The following JAK1 variants were observed in gnomAD, a reference collection of about 807,000 sequenced individuals.
JAK1 encodes tyrosine-protein kinase JAK1.
Under a neutral mutation model 136.6 loss-of-function variants are expected in JAK1, and 16 were observed. The ratio of observed to expected loss-of-function variants is 0.12; its 90% CI spans 0.08 to 0.18. The LOEUF (loss-of-function observed/expected upper bound fraction) is 0.18, where lower values mean the gene tolerates loss of function less well. Among genes scored for constraint, JAK1 ranks in the 10% least tolerant of loss-of-function variants. The pLI, the probability that JAK1 is intolerant of heterozygous loss-of-function variation, is 1.00. For missense variants in JAK1, 859 were observed against 1,450.1 expected (o/e 0.59, Z 6.62); for synonymous variants, 492 against 519.5 (o/e 0.95, Z 0.72).
intron 1 of JAK1, among the ~76,000 whole-genome samples, chr1:65,048,438 A>G (rs1647209580): frequency 6.6e-6 from 1 of 152,324 alleles, no homozygotes; most frequent in South Asian, 2.1e-4. Flanking sequence ...AGTATTTCTC[A>G]GGAGGGCACA....
At chr1:64,841,885 T>C (rs958561993) in intron 17 of JAK1, among the ~76,000 whole-genome samples, 4 of 152,248 alleles carry the variant, frequency 2.6e-5, no homozygotes, top group Non-Finnish European at 1.5e-5. Flanking sequence ...GGGCAACATG[T>C]ACAAAAATCT....
At chr1:64,968,910 C>T (rs1292340099), upstream of JAK1, among the ~76,000 whole-genome samples, 5 of 125,448 alleles carry the variant, frequency 4.0e-5, no homozygotes, top group African/African-American at 1.5e-4. Context: ...CCAGCCTGGG[C>T]GACAGAGCGA....
intron 6 of JAK1, among the ~76,000 whole-genome samples, chr1:64,868,369 G>A (rs1376044460): frequency 6.6e-6 from 1 of 152,136 alleles, no homozygotes; most frequent in Non-Finnish European, 1.5e-5. Context: ...AGTGGCTTCA[G>A]AACAGTAGAA....
At chr1:65,064,621 G>A (rs1278615403) in intron 1 of JAK1, among the ~76,000 whole-genome samples, 2 of 152,222 alleles carry the variant, frequency 1.3e-5, no homozygotes, top group Non-Finnish European at 2.9e-5. Context: ...CAAGGTAGAG[G>A]TGGAAAATCC....
intron 1 of JAK1, among the ~76,000 whole-genome samples, chr1:64,943,836 TAA>T (rs35735954): frequency 4.5e-4 from 66 of 146,008 alleles, no homozygotes; most frequent in Non-Finnish European, 3.6e-4. Flanking sequence ...CTTTAATAAA[TAA>T]AAAAAAAAAA....
intron 20 of JAK1, chr1:64,839,349 C>T (rs138014607): frequency 5.2e-6 from 2 of 385,398 alleles, no homozygotes; most frequent in Admixed American, 4.4e-5. Context: ...TTTCATAAGG[C>T]ATAAGTGCAA....
chr1:64,849,512 A>G (rs1196078577), intron 12 of JAK1, among the ~76,000 whole-genome samples: 17 of 151,932 alleles, frequency 1.1e-4, no homozygotes, highest in Admixed American at 1.1e-3. Context: ...CTGGTCTGGG[A>G]CTCTGCTTTG....
At chr1:64,952,796 A>G (rs1646114619) in intron 1 of JAK1, among the ~76,000 whole-genome samples, 1 of 152,240 alleles carries the variant, frequency 6.6e-6, no homozygotes, top group African/African-American at 2.4e-5. Flanking sequence ...TAATAGTGGT[A>G]AACTCCAATA....
intron 2 of JAK1, chr1:65,003,392 T>C (rs1646778720): frequency 6.6e-6 from 1 of 151,984 alleles, no homozygotes; most frequent in Non-Finnish European, 1.5e-5. Context: ...GGTAAAAGTG[T>C]TTCGATTTGT....
intron 2 of JAK1, among the ~76,000 whole-genome samples, chr1:64,883,844 G>A (rs1377831169): frequency 6.6e-6 from 1 of 152,046 alleles, no homozygotes; most frequent in Non-Finnish European, 1.5e-5. Context: ...AATGTTAAAG[G>A]ACTGATTATT....
chr1:64,919,026 T>A (rs1460091117), intron 1 of JAK1, among the ~76,000 whole-genome samples: 1 of 152,124 alleles, frequency 6.6e-6, no homozygotes, highest in Non-Finnish European at 1.5e-5. Flanking sequence ...CCTTTTTTTT[T>A]ATTATTATAC....
intron 1 of JAK1, among the ~76,000 whole-genome samples, chr1:64,922,184 C>CT (rs1645506069): frequency 6.6e-6 from 1 of 151,798 alleles, no homozygotes; most frequent in South Asian, 2.1e-4. Context: ...TACTAAATGC[C>CT]CCCCACCCCC....
chr1:64,958,434 CTG>C, intron 1 of JAK1, among the ~76,000 whole-genome samples: 1 of 152,308 alleles, frequency 6.6e-6, no homozygotes, highest in Non-Finnish European at 1.5e-5. Context: ...ATGGTTTTAA[CTG>C]AACAAAATCA....
intron 1 of JAK1, among the ~76,000 whole-genome samples, chr1:64,956,168 A>G (rs1646184124): frequency 6.6e-6 from 1 of 152,196 alleles, no homozygotes; most frequent in African/African-American, 2.4e-5. Flanking sequence ...CAAAGCTGAA[A>G]ATGTTTACTG....
Position 64,944,682 on chromosome 1 carries a change from T to C in JAK1, c.-78+21651A>G, listed in dbSNP as rs115212738. Among the ~76,000 whole-genome samples, 368 of 152,268 alleles carry C rather than the reference T, an allele frequency of 2.4e-3. 2 individuals carry two copies. Among genetic ancestry groups the C allele is most frequent in the African/African-American group, 8.5e-3 (354 of 41,542 alleles). On this transcript the variant is annotated intron_variant, in intron 1 of 24. Coordinates refer to ENST00000342505, the MANE Select transcript of JAK1 (RefSeq NM_002227.4). ...CTGAAAGATGTTACAATAGTCATGA[T>C]ACACTAGCAAATGGAAAAAAAGGTT...
intron 1 of JAK1, among the ~76,000 whole-genome samples, chr1:64,910,461 G>A (rs1283658340): frequency 6.6e-6 from 1 of 152,210 alleles, no homozygotes; most frequent in Non-Finnish European, 1.5e-5. Flanking sequence ...TTCTCCGGGG[G>A]AAGAGGGAGA....
At chr1:65,001,676 T>TGG (rs1341736605) in intron 2 of JAK1, among the ~76,000 whole-genome samples, 10 of 89,106 alleles carry the variant, frequency 1.1e-4, no homozygotes, top group African/African-American at 4.3e-4. Flanking sequence ...AAAGTGTGTG[T>TGG]GTGGGGGGGG....
Position 64,945,011 on chromosome 1 carries a change from T to G in JAK1, c.-78+21322A>C, listed in dbSNP as rs1645958676. Among the ~76,000 whole-genome samples, 6 of 150,624 alleles carry G rather than the reference T, an allele frequency of 4.0e-5. No individual in the cohort carries two copies. The South Asian group carries it at 1.3e-3, about 31-fold the overall frequency. On this transcript the variant is annotated intron_variant, in intron 1 of 24. Coordinates refer to ENST00000342505, the MANE Select transcript of JAK1 (RefSeq NM_002227.4). ...CACAACACACTCAGCCATTCCATCC[T>G]CAGGTCCTGAGACGGGAACAGGAGC...
chr1:64,879,217 AAT>A, intron 3 of JAK1, 69 bp from the exon 4 acceptor site: 1 of 1,563,686 alleles, frequency 6.4e-7, no homozygotes, highest in Non-Finnish European at 8.8e-7. Context: ...TTCTAAACCC[AAT>A]ATATGCAAAG....
Sources: allele counts gnomAD v4.1 joint callset (sites outside exome capture counted in the v4.1 genomes callset), GRCh38; gene constraint gnomAD v4.1.1; transcripts MANE v1.5; gene names NCBI Gene and HGNC (gene_info 2026-07-23, HGNC 2026-07-21).